Variants in ABCB4 observed in about 807,000 individuals in gnomAD.
The protein encoded by ABCB4 is ATP binding cassette subfamily B member 4.
ABCB4 carries 76 observed loss-of-function variants against 145.7 expected under a neutral mutation model. That is an observed-to-expected ratio of 0.52 (90% confidence interval 0.43 to 0.63). The LOEUF (loss-of-function observed/expected upper bound fraction) is 0.63, where lower values mean the gene tolerates loss of function less well. Ranked by LOEUF, ABCB4 falls within the 30% of genes least tolerant of loss-of-function variation. The probability of loss-of-function intolerance (pLI) is 0.00; values close to 1 mark genes in which losing one functional copy is unlikely to be tolerated. For missense variants in ABCB4, 1,234 were observed against 1,553.1 expected (o/e 0.79, Z 3.45); for synonymous variants, 517 against 566.8 (o/e 0.91, Z 1.25).
intron 25 of ABCB4, among the ~76,000 whole-genome samples, chr7:87,407,608 A>G (rs1036787167): frequency 1.2e-4 from 18 of 152,350 alleles, no homozygotes; most frequent in Non-Finnish European, 2.5e-4. Context: ...TGAGGATCAA[A>G]GTCAAAGTTC....
chr7:87,431,653 G>C, intron 14 of ABCB4, 88 bp from the exon 15 acceptor site: 1 of 1,493,012 alleles, frequency 6.7e-7, no homozygotes, highest in Non-Finnish European at 9.3e-7. Flanking sequence ...GATGAATGCT[G>C]TTTGTAGATG....
chr7:87,472,698 A>C (rs1336581186), intron 2 of ABCB4, 23 bp from the exon 3 acceptor site: 1 of 1,490,704 alleles, frequency 6.7e-7, no homozygotes, highest in Non-Finnish European at 9.4e-7. Context: ...GAATTGCTTC[A>C]ATTTAAAACT....
At chr7:87,471,088 A>C (rs180701868) in intron 3 of ABCB4, among the ~76,000 whole-genome samples, 11 of 152,156 alleles carry the variant, frequency 7.2e-5, no homozygotes, top group African/African-American at 2.6e-4. Context: ...TGAAGCTGGA[A>C]ACCATCCTCA....
chr7:87,428,835 C>T (rs887137317), intron 15 of ABCB4, among the ~76,000 whole-genome samples: 6 of 152,014 alleles, frequency 3.9e-5, no homozygotes, highest in South Asian at 2.1e-4. Context: ...AAAATAAATA[C>T]GAAATAGCTA....
At chr7:87,475,757 C>G (rs940097334), upstream of ABCB4, 4 of 320,470 alleles carry the variant, frequency 1.2e-5, no homozygotes, top group East Asian at 6.7e-5. Flanking sequence ...GCGTCCGGCC[C>G]GGGAAACGCC....
At chr7:87,394,825 G>A in the ABCB4 span, among the ~76,000 whole-genome samples, 1 of 152,120 alleles carries the variant, frequency 6.6e-6, no homozygotes, top group African/African-American at 2.4e-5. Context: ...GCCAGCAAAG[G>A]ATAGTTTGAT....
At chr7:87,455,565 C>G (rs192461066) in intron 4 of ABCB4, among the ~76,000 whole-genome samples, 10 of 152,096 alleles carry the variant, frequency 6.6e-5, no homozygotes, top group Non-Finnish European at 1.3e-4. Flanking sequence ...GGCCTATGCT[C>G]GTAACACTAT....
the ABCB4 span, among the ~76,000 whole-genome samples, chr7:87,383,538 CAGG>C: frequency 3.6e-3 from 540 of 149,996 alleles, no homozygotes; most frequent in African/African-American, 0.013. Flanking sequence ...CTCTGTCGCC[CAGG>C]TTGGAGTGCA....
chr7:87,396,796 T>C (rs1349947611), downstream of ABCB4, among the ~76,000 whole-genome samples: 3 of 152,162 alleles, frequency 2.0e-5, no homozygotes, highest in South Asian at 2.1e-4. Context: ...CAACCTATAA[T>C]GTATGTAGAC....
At chr7:87,382,217 T>G in the ABCB4 span, 1 of 1,537,672 alleles carries the variant, frequency 6.5e-7, no homozygotes, top group South Asian at 1.2e-5. Context: ...TAATAATGAT[T>G]TTTTCTTTTA....
At chr7:87,388,365 A>C in the ABCB4 span, among the ~76,000 whole-genome samples, 30 of 152,210 alleles carry the variant, frequency 2.0e-4, no homozygotes, top group Non-Finnish European at 3.5e-4. Context: ...ATGCTACCTG[A>C]CTTCAAACTG....
At chr7:87,376,026 G>C in the ABCB4 span, 1 of 1,418,582 alleles carries the variant, frequency 7.0e-7, no homozygotes, top group Admixed American at 2.6e-5. Context: ...GAACATGGAA[G>C]TTTTTTTTCT....
At chr7:87,397,602 C>T (rs1173161270), downstream of ABCB4, among the ~76,000 whole-genome samples, 2 of 152,080 alleles carry the variant, frequency 1.3e-5, no homozygotes, top group Non-Finnish European at 2.9e-5. Flanking sequence ...AATTCCATGC[C>T]AAGTGTAGCT....
At chr7:87,419,752 A>T (rs139648825) in intron 19 of ABCB4, among the ~76,000 whole-genome samples, 5 of 151,650 alleles carry the variant, frequency 3.3e-5, no homozygotes, top group Non-Finnish European at 5.9e-5. Flanking sequence ...TATTTACAGA[A>T]TAAGCCAAAG....
intron 2 of ABCB4, among the ~76,000 whole-genome samples, chr7:87,474,343 T>A (rs759023880): frequency 3.9e-5 from 6 of 152,218 alleles, no homozygotes; most frequent in Non-Finnish European, 7.3e-5. Context: ...TAACACCATC[T>A]ATCACTTTTT....
chr7:87,397,243 TG>T (rs551440647), downstream of ABCB4, among the ~76,000 whole-genome samples: 606 of 151,914 alleles, frequency 4.0e-3, 5 homozygotes, highest in Non-Finnish European at 5.3e-3. Flanking sequence ...CTGAGTTACT[TG>T]GGAACCTGAG....
the ABCB4 span, chr7:87,369,797 C>A: frequency 1.3e-5 from 2 of 150,068 alleles, no homozygotes; most frequent in East Asian, 3.8e-4. Flanking sequence ...AATGAATTTA[C>A]ATGTATACCT....
intron 21 of ABCB4, among the ~76,000 whole-genome samples, chr7:87,414,956 C>G (rs1808867595): frequency 6.6e-6 from 1 of 152,136 alleles, no homozygotes; most frequent in Non-Finnish European, 1.5e-5. Context: ...GCCTTAAGTT[C>G]TAAAGTTAAT....
the ABCB4 span, among the ~76,000 whole-genome samples, chr7:87,390,532 G>A: frequency 6.6e-6 from 1 of 152,250 alleles, no homozygotes; most frequent in Non-Finnish European, 1.5e-5. Context: ...CAGAAACACT[G>A]AACAGAAGAG....
Sources: gnomAD v4.1 joint callset for allele counts (sites outside exome capture counted in the v4.1 genomes callset) on GRCh38, gnomAD v4.1.1 for gene constraint, MANE v1.5 for transcripts, NCBI Gene and HGNC (gene_info 2026-07-23, HGNC 2026-07-21) for gene names.